Variants in TDRP observed in about 807,000 individuals in gnomAD.
The protein encoded by TDRP is testis development-related protein.
A neutral mutation model predicts 10.5 loss-of-function variants in TDRP; 12 were observed. The ratio of observed to expected loss-of-function variants is 1.15; its 90% confidence interval spans 0.73 to 1.86. TDRP has a LOEUF of 1.86. Among genes scored for constraint, TDRP ranks in the 40% most tolerant of loss-of-function variants. The pLI, the probability that TDRP is intolerant of heterozygous loss-of-function variation, is 0.00. For synonymous variants in TDRP, 139 were observed against 95.4 expected, an observed-to-expected ratio of 1.46 and a Z score of -2.67; for missense variants, 353 against 229.2, an observed-to-expected ratio of 1.54 and a Z score of -3.49.
intron 1 of TDRP, among the ~76,000 whole-genome samples, chr8:514,359 A>T (rs1414046267): frequency 6.6e-6 from 1 of 152,200 alleles, no homozygotes; most frequent in Non-Finnish European, 1.5e-5. Context: ...ATGGGGAAAA[A>T]ATAATCTTTT....
chr8:525,211 G>A (rs934068385), intron 1 of TDRP, among the ~76,000 whole-genome samples: 1 of 152,092 alleles, frequency 6.6e-6, no homozygotes, highest in African/African-American at 2.4e-5. Context: ...TAGATTATCT[G>A]GCAAAAATGT....
At chr8:510,680 G>C (rs1584863918) in intron 1 of TDRP, among the ~76,000 whole-genome samples, 2 of 152,188 alleles carry the variant, frequency 1.3e-5, no homozygotes, top group Admixed American at 6.5e-5. Flanking sequence ...GACTTTCCTA[G>C]ATGAATAAAT....
intron 1 of TDRP, among the ~76,000 whole-genome samples, chr8:524,406 A>G (rs2116832824): frequency 6.6e-6 from 1 of 152,326 alleles, no homozygotes; most frequent in Non-Finnish European, 1.5e-5. Context: ...AACATCCACA[A>G]GAATCAAGAT....
chr8:529,821 A>G (rs967369741), intron 1 of TDRP, among the ~76,000 whole-genome samples: 6 of 152,126 alleles, frequency 3.9e-5, no homozygotes, highest in Non-Finnish European at 7.4e-5. Flanking sequence ...ACTTTTGGCA[A>G]TTTGATTAAA....
intron 1 of TDRP, among the ~76,000 whole-genome samples, chr8:539,748 G>A (rs143882977): frequency 1.3e-5 from 2 of 152,280 alleles, no homozygotes; most frequent in East Asian, 1.9e-4. Context: ...CAGAGCGATC[G>A]TCAATACGTT....
At chr8:537,356 C>T (rs1802374600) in intron 1 of TDRP, among the ~76,000 whole-genome samples, 1 of 152,188 alleles carries the variant, frequency 6.6e-6, no homozygotes, top group African/African-American at 2.4e-5. Context: ...CCCCACTGTC[C>T]ACATCAACTC....
intron 1 of TDRP, among the ~76,000 whole-genome samples, chr8:501,022 C>G (rs541047328): frequency 5.3e-5 from 8 of 152,046 alleles, no homozygotes; most frequent in Non-Finnish European, 1.0e-4. Flanking sequence ...CTGGCTAACA[C>G]GGTGAAACCC....
At chr8:496,014 T>C (rs1801122026) in intron 1 of TDRP, among the ~76,000 whole-genome samples, 1 of 152,162 alleles carries the variant, frequency 6.6e-6, no homozygotes, top group Non-Finnish European at 1.5e-5. Flanking sequence ...CGTTTATGAA[T>C]CAGATACTGG....
intron 1 of TDRP, among the ~76,000 whole-genome samples, chr8:542,811 C>T (rs1802534053): frequency 6.8e-6 from 1 of 146,010 alleles, no homozygotes; most frequent in Non-Finnish European, 1.5e-5. Context: ...GAGCTGAGAT[C>T]ACGCCACTGC....
At position 527,047 on chromosome 8, in the gene TDRP, G is replaced by C. The variant is rs117992533; in HGVS notation, c.108+17603C>G. ...AGATGGGAGGATGGCTTGAGGCCCA[G>C]AGTTAGAGAGACTCCACCAAAAGGC... On this transcript the variant is annotated intron_variant, in intron 1 of 2. Coordinates refer to ENST00000324079, the MANE Select transcript of TDRP (RefSeq NM_001384899.1). Among the ~76,000 whole-genome samples, 1,515 of 152,192 alleles carry C rather than the reference G, an allele frequency of 1.0e-2. 13 individuals carry two copies. Among genetic ancestry groups the C allele is most frequent in the Non-Finnish European group, 0.012 (846 of 68,016 alleles).
intron 1 of TDRP, among the ~76,000 whole-genome samples, chr8:497,430 G>A (rs941969958): frequency 1.3e-5 from 2 of 152,164 alleles, no homozygotes; most frequent in Non-Finnish European, 2.9e-5. Flanking sequence ...TAGGATATCT[G>A]GCAGAAGAAA....
At chr8:498,379 G>C (rs1391538059) in intron 1 of TDRP, among the ~76,000 whole-genome samples, 2 of 152,164 alleles carry the variant, frequency 1.3e-5, no homozygotes, top group African/African-American at 4.8e-5. Context: ...TGGAACTTTA[G>C]GATTTAATGA....
At chr8:502,831 A>T (rs997007947) in intron 1 of TDRP, among the ~76,000 whole-genome samples, 1 of 152,082 alleles carries the variant, frequency 6.6e-6, no homozygotes, top group African/African-American at 2.4e-5. Context: ...TCAACACAGA[A>T]TCCAGAGCCA....
In TDRP at chr8:491,455, AC is replaced by A; in HGVS notation, c.*943del. 1.5e-6 allele frequency: 1 copy of A among 647,796 alleles called. No homozygotes were observed. The highest frequency in any genetic ancestry group is 2.4e-6 in the Non-Finnish European group (1 of 419,044). The allele number at this position is 647,796 out of a possible 1,614,324, so 40.1% of individuals were successfully genotyped here. ...AAAAGAACGCGAGAGATGCTCTCAA[AC>A]CGGTCGTCGATTATTCTTGTGGAAA... On this transcript the variant is annotated 3_prime_UTR_variant, in exon 3 of 3. Coordinates refer to ENST00000324079, the MANE Select transcript of TDRP (RefSeq NM_001384899.1).
intron 1 of TDRP, among the ~76,000 whole-genome samples, chr8:508,484 C>G (rs1801526413): frequency 6.6e-6 from 1 of 152,152 alleles, no homozygotes; most frequent in South Asian, 2.1e-4. Flanking sequence ...TGGCAGCATT[C>G]AAGACAGAGA....
intron 1 of TDRP, among the ~76,000 whole-genome samples, chr8:541,596 A>G (rs535419514): frequency 6.6e-6 from 1 of 152,368 alleles, no homozygotes; most frequent in South Asian, 2.1e-4. Flanking sequence ...AATGCGGAGA[A>G]AGATCTAAAC....
chr8:544,877 G>T (rs1190586972), upstream of TDRP: 1 of 672,004 alleles, frequency 1.5e-6, no homozygotes, highest in Non-Finnish European at 2.1e-6. Context: ...GGCCGGGCGG[G>T]GCTAGGCGGG....
chr8:545,692 G>C (rs933131208), upstream of TDRP: 1 of 152,066 alleles, frequency 6.6e-6, no homozygotes, highest in Admixed American at 6.5e-5. Flanking sequence ...GAGGTCGCGG[G>C]ATAGTGGGGG....
At chr8:510,920 T>C (rs1478539784) in intron 1 of TDRP, among the ~76,000 whole-genome samples, 1 of 152,250 alleles carries the variant, frequency 6.6e-6, no homozygotes, top group South Asian at 2.1e-4. Flanking sequence ...AAATGTAATG[T>C]GTATGTAATA....
Sources: allele counts gnomAD v4.1 joint callset (sites outside exome capture counted in the v4.1 genomes callset), GRCh38; gene constraint gnomAD v4.1.1; transcripts MANE v1.5; gene names NCBI Gene and HGNC (gene_info 2026-07-23, HGNC 2026-07-21).